The following MED13L variants were observed in gnomAD, a reference collection of about 807,000 sequenced individuals.
MED13L encodes the protein mediator complex subunit 13L, also known as mediator of RNA polymerase II transcription subunit 13-like.
In MED13L, 7 loss-of-function variants were observed where a neutral mutation model predicts 220.9. The observed-to-expected ratio is 0.03, with a 90% CI of 0.02 to 0.06. The LOEUF is 0.06. MED13L is among the 10% of genes least tolerant of loss of function. MED13L has a pLI of 1.00. For synonymous variants in MED13L, 1,011 were observed against 1,015.2 expected (o/e 1.00, Z 0.08); for missense variants, 1,965 against 2,760.5 (o/e 0.71, Z 6.46).
chr12:115,977,798 A>G (rs926354193), intron 23 of MED13L, among the ~76,000 whole-genome samples: 5 of 152,138 alleles, frequency 3.3e-5, no homozygotes, highest in Non-Finnish European at 2.9e-5. Flanking sequence ...GGAGCTCAAG[A>G]CCAGCCTGGG....
chr12:116,091,113 T>C (rs1237577479), intron 4 of MED13L, among the ~76,000 whole-genome samples: 13 of 107,298 alleles, frequency 1.2e-4, no homozygotes, highest in African/African-American at 5.2e-4. Flanking sequence ...AGAGCGGAAC[T>C]CTGTCTCAAA....
chr12:116,240,242 G>A (rs964497413), intron 1 of MED13L, among the ~76,000 whole-genome samples: 1 of 151,024 alleles, frequency 6.6e-6, no homozygotes, highest in Non-Finnish European at 1.5e-5. Context: ...GACTACATGC[G>A]TGCACCACCA....
intron 12 of MED13L, 23 bp from the exon 13 acceptor site, chr12:116,006,016 C>CACAG (rs776940949): frequency 1.2e-6 from 2 of 1,613,654 alleles, no homozygotes; most frequent in South Asian, 1.1e-5. Flanking sequence ...AGGCAAAAGA[C>CACAG]ACAGAATAAA....
intron 2 of MED13L, among the ~76,000 whole-genome samples, chr12:116,160,609 C>T (rs1207377624): frequency 1.3e-5 from 2 of 151,768 alleles, no homozygotes; most frequent in Non-Finnish European, 2.9e-5. Flanking sequence ...AAGTGTCTCA[C>T]CCTGTCACCA....
Position 116,010,393 on chromosome 12 carries a change from G to C in MED13L, c.1281-1261C>G, listed in dbSNP as rs537383812. ...AGTCTTTTAGACTTTTTTTCTCAGA[G>C]AGCATTTACCCGCACTAGTTCTTTG... is the stretch of plus-strand genomic sequence containing the variant. On this transcript the variant is annotated intron_variant, in intron 9 of 30. Transcript: ENST00000281928. Among the ~76,000 whole-genome samples the C allele has an allele frequency of 3.3e-5, 5 of 152,154 alleles. 1 individual carries two copies. The South Asian group carries it at 1.0e-3, about 32-fold the overall frequency.
chr12:116,098,700 C>T (rs1593041740), intron 3 of MED13L, among the ~76,000 whole-genome samples: 1 of 152,082 alleles, frequency 6.6e-6, no homozygotes, highest in South Asian at 2.1e-4. Flanking sequence ...ATTTCTACTG[C>T]GATCTTCCAT....
chr12:116,036,046 C>T (rs1881176472), intron 4 of MED13L, among the ~76,000 whole-genome samples: 1 of 152,116 alleles, frequency 6.6e-6, no homozygotes, highest in Non-Finnish European at 1.5e-5. Context: ...GATGGTCTCC[C>T]TCACCATAAT....
At chr12:116,239,017 C>G (rs917258228) in intron 1 of MED13L, among the ~76,000 whole-genome samples, 2 of 152,142 alleles carry the variant, frequency 1.3e-5, no homozygotes, top group South Asian at 4.1e-4. Flanking sequence ...ATTGCTTGAA[C>G]TTGGAAGGCG....
intron 2 of MED13L, among the ~76,000 whole-genome samples, chr12:116,207,983 T>A (rs1593166540): frequency 6.6e-6 from 1 of 152,298 alleles, no homozygotes; most frequent in African/African-American, 2.4e-5. Flanking sequence ...GAAGGGAACA[T>A]GTTGTCATAC....
chr12:116,003,304 T>C (rs949826890), intron 13 of MED13L, among the ~76,000 whole-genome samples: 2 of 152,200 alleles, frequency 1.3e-5, no homozygotes, highest in Admixed American at 1.3e-4. Context: ...ATTTTTTTCA[T>C]GGATCTTGTG....
chr12:116,155,473 C>G (rs1436331514), intron 2 of MED13L, among the ~76,000 whole-genome samples: 2 of 152,120 alleles, frequency 1.3e-5, no homozygotes, highest in African/African-American at 4.8e-5. Flanking sequence ...TGCCAAATTT[C>G]TTTTAAATCA....
At chr12:116,068,405 ATTATCAT>A (rs1870119313) in intron 4 of MED13L, among the ~76,000 whole-genome samples, 1 of 152,228 alleles carries the variant, frequency 6.6e-6, no homozygotes, top group South Asian at 2.1e-4. Flanking sequence ...TATTTTGCTA[ATTATCAT>A]TTATCAAACA....
intron 17 of MED13L, 115 bp downstream of exon 17, chr12:115,990,905 T>A: frequency 8.9e-7 from 1 of 1,124,082 alleles, no homozygotes; most frequent in Non-Finnish European, 1.3e-6. Context: ...GGTTCTTTTT[T>A]TTCCCCCGAA....
At chr12:116,164,335 C>G (rs1228546368) in intron 2 of MED13L, among the ~76,000 whole-genome samples, 1 of 152,084 alleles carries the variant, frequency 6.6e-6, no homozygotes, top group Non-Finnish European at 1.5e-5. Context: ...CCCCACCTAT[C>G]AACAATTCAA....
intron 28 of MED13L, among the ~76,000 whole-genome samples, chr12:115,968,497 G>A (rs368205239): frequency 1.2e-4 from 18 of 152,308 alleles, no homozygotes; most frequent in African/African-American, 3.4e-4. Context: ...CAAAGAGCAC[G>A]GCAGGCTCCT....
rs550940156 is a variant in MED13L at position 116,160,575 on chromosome 12, A to G, written c.311-49063T>C. ...GTAGGAAGAGGCTGGACTGGATCCA[A>G]ACTTTAATTTAAAAAAAAAAAAAAA... On this transcript the variant is annotated intron_variant, in intron 2 of 30. Transcript: ENST00000281928. 3.3e-3 allele frequency among the ~76,000 whole-genome samples: 483 copies of G among 148,564 alleles called. 5 individuals are homozygous for G. The highest frequency in any genetic ancestry group is 0.011 in the African/African-American group (450 of 41,078).
At chr12:116,239,864 T>C (rs1235999234) in intron 1 of MED13L, among the ~76,000 whole-genome samples, 1 of 152,208 alleles carries the variant, frequency 6.6e-6, no homozygotes, top group East Asian at 1.9e-4. Flanking sequence ...CTTGTTCTGC[T>C]AGGAGGAAAT....
chr12:116,094,919 A>T (rs747385920), intron 4 of MED13L, among the ~76,000 whole-genome samples: 21 of 152,244 alleles, frequency 1.4e-4, no homozygotes, highest in Non-Finnish European at 2.6e-4. Context: ...CTGTAATCCC[A>T]GAACTTTGGG....
rs559559156 is a variant in MED13L at position 116,050,361 on chromosome 12, C to T, written c.480-27760G>A. ...ACATGTCTGCAGCAATATCATTTTT[C>T]TGTGTACACATGGAACAGGTATCAT... On this transcript the variant is annotated intron_variant, in intron 4 of 30. Transcript: ENST00000281928. 6.6e-5 allele frequency among the ~76,000 whole-genome samples: 10 copies of T among 152,254 alleles called. No homozygotes were observed. In the South Asian group the frequency reaches 2.1e-3, roughly 32 times the overall value.
Sources: allele counts gnomAD v4.1 joint callset (sites outside exome capture counted in the v4.1 genomes callset), GRCh38; gene constraint gnomAD v4.1.1; transcripts MANE v1.5; gene names NCBI Gene and HGNC (gene_info 2026-07-23, HGNC 2026-07-21).